The following GALNT13 variants were observed in gnomAD, a reference collection of about 807,000 sequenced individuals.
The protein encoded by GALNT13 is UDP-GalNAc:polypeptide N-acetylgalactosaminyltransferase 13.
GALNT13 carries 28 observed loss-of-function variants against 64.2 expected under a neutral mutation model. The ratio of observed to expected loss-of-function variants is 0.44; its 90% CI spans 0.32 to 0.60. The LOEUF is 0.60. GALNT13 is among the 20% of genes least tolerant of loss of function. The probability of loss-of-function intolerance (pLI) is 0.05; values close to 1 mark genes in which losing one functional copy is unlikely to be tolerated. For missense variants in GALNT13, 577 were observed against 669.8 expected (o/e 0.86, Z 1.53); for synonymous variants, 214 against 224.6 (o/e 0.95, Z 0.42).
At chr2:153,748,073 T>A in the GALNT13 span, among the ~76,000 whole-genome samples, 1 of 152,102 alleles carries the variant, frequency 6.6e-6, no homozygotes, top group African/African-American at 2.4e-5. Flanking sequence ...CAAAAGTAAT[T>A]GTAGTTTTTG....
At chr2:153,471,380 A>T in the GALNT13 span, among the ~76,000 whole-genome samples, 1 of 152,198 alleles carries the variant, frequency 6.6e-6, no homozygotes. Context: ...TCCTTTGGAT[A>T]TAAGAAAACT....
the GALNT13 span, among the ~76,000 whole-genome samples, chr2:153,745,494 T>C: frequency 2.0e-5 from 3 of 152,256 alleles, no homozygotes; most frequent in African/African-American, 7.2e-5. Flanking sequence ...GAGGTTCCTT[T>C]TGAGGTTTTT....
chr2:153,103,049 C>T, the GALNT13 span, among the ~76,000 whole-genome samples: 1 of 152,018 alleles, frequency 6.6e-6, no homozygotes, highest in African/African-American at 2.4e-5. Flanking sequence ...TAAACTTGCA[C>T]CTCCCTCCCC....
At chr2:153,319,903 C>T in the GALNT13 span, among the ~76,000 whole-genome samples, 1 of 151,906 alleles carries the variant, frequency 6.6e-6, no homozygotes, top group Non-Finnish European at 1.5e-5. Context: ...TCAATACTTG[C>T]AGAGAAAAAT....
chr2:154,019,602 CCACACACACACACACA>C (rs67316542), intron 3 of GALNT13, among the ~76,000 whole-genome samples: 9 of 126,498 alleles, frequency 7.1e-5, no homozygotes, highest in South Asian at 2.9e-4. Context: ...GAGTAAGACT[CCACACACACACACACA>C]CACACACACA....
chr2:153,605,131 C>G, the GALNT13 span, among the ~76,000 whole-genome samples: 1 of 152,076 alleles, frequency 6.6e-6, no homozygotes, highest in Non-Finnish European at 1.5e-5. Flanking sequence ...AAATGAAAAG[C>G]CTGTGTGCTC....
At chr2:153,968,288 T>C (rs535079235) in intron 3 of GALNT13, among the ~76,000 whole-genome samples, 1 of 152,324 alleles carries the variant, frequency 6.6e-6, no homozygotes, top group East Asian at 1.9e-4. Flanking sequence ...TCAGACCCAG[T>C]GGTGTTCTAA....
At chr2:154,169,350 G>A (rs1363931862) in intron 4 of GALNT13, among the ~76,000 whole-genome samples, 1 of 152,272 alleles carries the variant, frequency 6.6e-6, no homozygotes, top group Middle Eastern at 3.4e-3. Context: ...GGTATAAGTA[G>A]TCTCATTATG....
chr2:153,800,989 G>A, the GALNT13 span, among the ~76,000 whole-genome samples: 10 of 152,080 alleles, frequency 6.6e-5, no homozygotes, highest in African/African-American at 1.7e-4. Context: ...TTATGTTATG[G>A]AGATGGCTTC....
chr2:153,370,497 A>G, the GALNT13 span: 1 of 152,218 alleles, frequency 6.6e-6, no homozygotes, highest in African/African-American at 2.4e-5. Flanking sequence ...CCTGGAAGTC[A>G]AGGCTCATTT....
At chr2:153,929,483 G>A (rs933717428) in intron 2 of GALNT13, among the ~76,000 whole-genome samples, 2 of 152,104 alleles carry the variant, frequency 1.3e-5, no homozygotes, top group Non-Finnish European at 1.5e-5. Context: ...TAGTTTTTCA[G>A]TACTTAACTT....
At position 153,927,472 on chromosome 2, in the gene GALNT13, G is replaced by GT. The variant is rs1426204072; in HGVS notation, c.-104-16916dup. ...TCCTATATTTATGGCAGATTTTCTT[G>GT]TTTTTTAACATCTGTGTTTTCTATT... is the stretch of plus-strand genomic sequence containing the variant. On this transcript the variant is annotated intron_variant, in intron 2 of 12. Coordinates refer to ENST00000392825, the MANE Select transcript of GALNT13 (RefSeq NM_052917.4). Among the ~76,000 whole-genome samples the GT allele has an allele frequency of 3.3e-5, 5 of 151,722 alleles. No individual in the cohort carries two copies. In the East Asian group the frequency reaches 7.8e-4, roughly 24 times the overall value.
At chr2:153,884,703 G>GA (rs2105248914) in intron 1 of GALNT13, among the ~76,000 whole-genome samples, 1 of 150,020 alleles carries the variant, frequency 6.7e-6, no homozygotes, top group African/African-American at 2.5e-5. Context: ...CGGATCATCT[G>GA]AGGTCAGGAG....
At chr2:153,091,645 T>C in the GALNT13 span, among the ~76,000 whole-genome samples, 1 of 152,244 alleles carries the variant, frequency 6.6e-6, no homozygotes, top group Non-Finnish European at 1.5e-5. Context: ...TTGTCTCCCA[T>C]CTGCCATCCT....
the GALNT13 span, among the ~76,000 whole-genome samples, chr2:153,155,031 A>G: frequency 6.6e-6 from 1 of 152,194 alleles, no homozygotes; most frequent in Non-Finnish European, 1.5e-5. Context: ...AATCACATTT[A>G]TTGATTTGCA....
At chr2:153,222,309 GGGGGGGGGGGGGGGGGGTGGGGT>G in the GALNT13 span, among the ~76,000 whole-genome samples, 2 of 119,508 alleles carry the variant, frequency 1.7e-5, no homozygotes, top group South Asian at 3.8e-4. Flanking sequence ...AGTCTGGCTG[GGGGGGGGGGGGGGGGGGTGGGGT>G]GGGGGGGGGG....
the GALNT13 span, among the ~76,000 whole-genome samples, chr2:153,661,779 C>T: frequency 6.6e-6 from 1 of 152,140 alleles, no homozygotes; most frequent in African/African-American, 2.4e-5. Flanking sequence ...TTGAATTTAT[C>T]TTTAATACCT....
At chr2:153,376,302 A>G in the GALNT13 span, among the ~76,000 whole-genome samples, 1 of 152,188 alleles carries the variant, frequency 6.6e-6, no homozygotes. Flanking sequence ...GAACTTAAAC[A>G]TCGTTCAGTA....
At chr2:154,044,947 G>T (rs898169491) in intron 3 of GALNT13, among the ~76,000 whole-genome samples, 2 of 151,550 alleles carry the variant, frequency 1.3e-5, no homozygotes, top group South Asian at 4.3e-4. Context: ...CATCGTAATG[G>T]ATTAGATTTT....
Sources: allele counts gnomAD v4.1 joint callset (sites outside exome capture counted in the v4.1 genomes callset), GRCh38; gene constraint gnomAD v4.1.1; transcripts MANE v1.5; gene names NCBI Gene and HGNC (gene_info 2026-07-23, HGNC 2026-07-21).